Variants in CEP85L observed in about 807,000 individuals in gnomAD.
CEP85L encodes centrosomal protein 85L, also known as centrosomal protein of 85 kDa-like.
In CEP85L, 60 loss-of-function variants were observed where a neutral mutation model predicts 100.3. The observed-to-expected ratio is 0.60, with a 90% CI of 0.49 to 0.74. The LOEUF is 0.74. Ranked by LOEUF, CEP85L falls within the 30% of genes least tolerant of loss-of-function variation. CEP85L has a pLI of 0.00. For missense variants in CEP85L, 973 were observed against 936.2 expected (o/e 1.04, Z -0.51); for synonymous variants, 319 against 322.7 (o/e 0.99, Z 0.12).
rs570566317 is a variant in CEP85L at position 118,658,425 on chromosome 6, T to C, written c.-27-5617A>G. Among the ~76,000 whole-genome samples, 9 of 152,296 alleles carry C rather than the reference T, an allele frequency of 5.9e-5. No individual in the cohort carries two copies. The South Asian group carries it at 1.2e-3, about 21-fold the overall frequency. The stretch of plus-strand genomic sequence containing the variant: ...TTGTGTAACCAGTATAAAATAGCTA[T>C]ATGGGAAGGCTTCTTTGTTCTTTTG... On this transcript the variant is annotated intron_variant, in intron 1 of 13. Transcript: ENST00000368488.
At chr6:118,631,591 G>A (rs184878114) in intron 2 of CEP85L, among the ~76,000 whole-genome samples, 8 of 152,206 alleles carry the variant, frequency 5.3e-5, no homozygotes, top group African/African-American at 1.7e-4. Flanking sequence ...ATAGGTAAAT[G>A]GTTAAAGTGT....
chr6:118,546,881 T>C (rs950803547), intron 3 of CEP85L, among the ~76,000 whole-genome samples: 1 of 152,170 alleles, frequency 6.6e-6, no homozygotes, highest in African/African-American at 2.4e-5. Context: ...TTTTAAGTTG[T>C]AAATTTTCCC....
upstream of CEP85L, chr6:118,652,629 T>A: frequency 6.6e-7 from 1 of 1,523,794 alleles, no homozygotes; most frequent in Middle Eastern, 2.3e-4. Context: ...CTTAAAGACA[T>A]TTTAATTGGG....
At chr6:118,487,578 C>A (rs9481814) in intron 6 of CEP85L, among the ~76,000 whole-genome samples, 4,441 of 152,272 alleles carry the variant, frequency 0.029, 193 homozygotes, top group African/African-American at 0.091. Flanking sequence ...TGTAGGACAC[C>A]TGTAATCCTA....
intron 2 of CEP85L, among the ~76,000 whole-genome samples, chr6:118,603,207 G>A (rs1269631862): frequency 7.2e-6 from 1 of 139,268 alleles, no homozygotes; most frequent in Non-Finnish European, 1.5e-5. Flanking sequence ...TCCTCTTGGG[G>A]TCCCAAGATA....
chr6:118,581,180 C>T (rs1377098045), intron 2 of CEP85L, among the ~76,000 whole-genome samples: 1 of 152,098 alleles, frequency 6.6e-6, no homozygotes, highest in Non-Finnish European at 1.5e-5. Flanking sequence ...ATTTTAGTCT[C>T]AATATTGTCC....
rs1334691415 is a variant in CEP85L at position 118,462,077 on chromosome 6, CTTAGTA to C, written c.*3322_*3327del. 2 of 151,886 alleles carry C rather than the reference CTTAGTA, an allele frequency of 1.3e-5. No individual in the cohort carries two copies. The highest frequency in any genetic ancestry group is 2.4e-5 in the African/African-American group (1 of 41,394). The allele number at this position is 151,886 out of a possible 1,614,324, so 9.4% of individuals were successfully genotyped here. The stretch of plus-strand genomic sequence containing the variant: ...TATGAAAGAATTACTTTATAAGCTC[CTTAGTA>C]TATCAGAAATGTATGACATTCATTT... On this transcript the variant is annotated 3_prime_UTR_variant, in exon 13 of 13. Transcript: ENST00000368491.
intron 1 of CEP85L, among the ~76,000 whole-genome samples, chr6:118,701,227 A>T (rs940259275): frequency 5.9e-5 from 9 of 152,186 alleles, no homozygotes; most frequent in Admixed American, 2.6e-4. Context: ...GAGTTTGGAG[A>T]TTTCTCAAAG....
chr6:118,511,949 A>G (rs576631618), intron 4 of CEP85L, among the ~76,000 whole-genome samples: 2 of 151,698 alleles, frequency 1.3e-5, no homozygotes, highest in Non-Finnish European at 2.9e-5. Flanking sequence ...CAAATAATTT[A>G]AAGCTTTACA....
intron 6 of CEP85L, chr6:118,491,483 T>A: frequency 4.5e-6 from 6 of 1,331,144 alleles, no homozygotes; most frequent in Non-Finnish European, 5.8e-6. Flanking sequence ...TAGAAAGATA[T>A]ACAAGAGCAT....
chr6:118,552,411 GCCA>G (rs1778602003), intron 3 of CEP85L, among the ~76,000 whole-genome samples: 1 of 152,038 alleles, frequency 6.6e-6, no homozygotes, highest in Middle Eastern at 3.4e-3. Flanking sequence ...CATAAAGCAG[GCCA>G]CCAAAAGTTT....
intron 1 of CEP85L, among the ~76,000 whole-genome samples, chr6:118,683,587 A>C (rs1045957425): frequency 6.6e-6 from 1 of 152,208 alleles, no homozygotes; most frequent in Non-Finnish European, 1.5e-5. Context: ...TTTGACAAAG[A>C]CCATAATGTT....
chr6:118,594,450 T>G (rs1781356819), intron 2 of CEP85L, among the ~76,000 whole-genome samples: 1 of 152,150 alleles, frequency 6.6e-6, no homozygotes, highest in African/African-American at 2.4e-5. Flanking sequence ...GATAAGAAAA[T>G]TATCTCTAAT....
chr6:118,680,481 T>C (rs1776622846), intron 1 of CEP85L, among the ~76,000 whole-genome samples: 1 of 152,176 alleles, frequency 6.6e-6, no homozygotes, highest in Non-Finnish European at 1.5e-5. Flanking sequence ...GGTGGGATTG[T>C]AGGACTGACA....
chr6:118,697,901 A>T (rs1688631), intron 1 of CEP85L, among the ~76,000 whole-genome samples: 61,226 of 152,006 alleles, frequency 0.4, 12,621 homozygotes, highest in African/African-American at 0.45. Flanking sequence ...TTCAAAGAAG[A>T]ATGAATGGCT....
chr6:118,705,939 G>A lies in CEP85L; in HGVS notation c.-28+4097C>T, dbSNP rs180920971. 3.1e-3 allele frequency among the ~76,000 whole-genome samples: 471 copies of A among 152,304 alleles called. 2 individuals carry two copies. The highest frequency in any genetic ancestry group is 0.014 in the Middle Eastern group (4 of 294). ...CCTCTTGCATTTATGCAATGCCTGG[G>A]AGGCCTTTCCTGCTAAGCCCGCCCC... is the stretch of plus-strand genomic sequence containing the variant. On this transcript the variant is annotated intron_variant, in intron 1 of 13. Coordinates refer to the CEP85L transcript ENST00000368488.
chr6:118,654,894 A>G (rs1323781166), upstream of CEP85L, among the ~76,000 whole-genome samples: 1 of 152,240 alleles, frequency 6.6e-6, no homozygotes, highest in Non-Finnish European at 1.5e-5. Flanking sequence ...TGTAACTGTT[A>G]TAGCTCACCA....
At chr6:118,625,244 C>G (rs969938106) in intron 2 of CEP85L, among the ~76,000 whole-genome samples, 1 of 152,216 alleles carries the variant, frequency 6.6e-6, no homozygotes, top group African/African-American at 2.4e-5. Flanking sequence ...CTTTTTCATC[C>G]GTGCTAACAT....
intron 10 of CEP85L, among the ~76,000 whole-genome samples, chr6:118,475,397 A>C (rs1582864205): frequency 1.6e-5 from 2 of 122,782 alleles, no homozygotes; most frequent in Admixed American, 2.1e-4. Context: ...TCTGTCCCCC[A>C]GGCTGGAGGA....
Sources: allele counts gnomAD v4.1 joint callset (sites outside exome capture counted in the v4.1 genomes callset), GRCh38; gene constraint gnomAD v4.1.1; transcripts MANE v1.5; gene names NCBI Gene and HGNC (gene_info 2026-07-23, HGNC 2026-07-21).